The following PGM2 variants were observed in gnomAD, a reference collection of about 807,000 sequenced individuals.
The protein encoded by PGM2 is phosphoglucomutase 2, also known as phosphopentomutase.
A neutral mutation model predicts 74.6 loss-of-function variants in PGM2; 57 were observed. The ratio of observed to expected loss-of-function variants is 0.76; its 90% CI spans 0.62 to 0.95. PGM2 has a LOEUF of 0.95. Among genes scored for constraint, PGM2 ranks in the 40% least tolerant of loss-of-function variants. PGM2 has a pLI of 0.00. For missense variants in PGM2, 706 were observed against 741.9 expected (o/e 0.95, Z 0.56); for synonymous variants, 273 against 260.7 (o/e 1.05, Z -0.46).
intron 6 of PGM2, among the ~76,000 whole-genome samples, chr4:37,843,760 C>T (rs1560416224): frequency 1.3e-5 from 2 of 151,962 alleles, no homozygotes. Context: ...CAGGCATGCA[C>T]CACCATGCCC....
intron 8 of PGM2, among the ~76,000 whole-genome samples, 180 bp downstream of exon 8, chr4:37,845,910 G>T (rs534742782): frequency 6.1e-5 from 8 of 132,008 alleles, no homozygotes; most frequent in African/African-American, 2.3e-4. Context: ...GATCTAGTGT[G>T]GGGGGAGGTT....
intron 5 of PGM2, 35 bp from the exon 6 acceptor site, chr4:37,840,031 T>C: frequency 6.3e-7 from 1 of 1,582,054 alleles, no homozygotes; most frequent in Non-Finnish European, 8.7e-7. Context: ...TTCCATTAAC[T>C]GTAAACCTTC....
chr4:37,855,648 C>T lies in PGM2; in HGVS notation c.1643C>T (p.Thr548Ile), dbSNP rs748127256. The T allele has an allele frequency of 5.6e-6, 9 of 1,613,950 alleles. No homozygotes were observed. Among genetic ancestry groups the T allele is most frequent in the Admixed American group, 1.7e-5 (1 of 60,000 alleles). The change falls in exon 13 of 14, where the codon ACC (threonine) becomes ATC (isoleucine). Residue 548 changes from threonine (T) to isoleucine (I), a missense_variant. Around this residue, in one of 3 missense-constraint regions of PGM2, gnomAD observed 359 missense variants for 371.1 expected, o/e 0.97. Coordinates refer to ENST00000381967, the MANE Select transcript of PGM2 (RefSeq NM_018290.4). ...AAAAGCAGCCAAATGATCACCTTCACCTTTGCTAATGGAGGCGTGGCCACC... is the reference window on the plus strand; with the variant it reads ...AAAAGCAGCCAAATGATCACCTTCATCTTTGCTAATGGAGGCGTGGCCACC... ...TSKSSQMITF[T>I]FANGGVATMR...
At chr4:37,856,039 T>C (rs780712686) in intron 13 of PGM2, among the ~76,000 whole-genome samples, 6 of 152,206 alleles carry the variant, frequency 3.9e-5, no homozygotes, top group Non-Finnish European at 8.8e-5. Flanking sequence ...CTAACACCAA[T>C]GAGATTTTCT....
chr4:37,841,881 A>G (rs1011430863), intron 6 of PGM2, among the ~76,000 whole-genome samples: 6 of 152,236 alleles, frequency 3.9e-5, no homozygotes, highest in Admixed American at 3.9e-4. Flanking sequence ...TGTATCCGTA[A>G]GGTAACTTTC....
Position 37,832,381 on chromosome 4 carries a change from A to T in PGM2, c.250-2237A>T, listed in dbSNP as rs187782659. On this transcript the variant is annotated intron_variant, in intron 2 of 13. Coordinates refer to ENST00000381967, the MANE Select transcript of PGM2 (RefSeq NM_018290.4). ...CCTGGCAGAATGCTGATATGCAAATATATTTGTCACTTTTCACTGATCAGA... is the reference window on the plus strand; with the variant it reads ...CCTGGCAGAATGCTGATATGCAAATTTATTTGTCACTTTTCACTGATCAGA... 2.6e-5 allele frequency among the ~76,000 whole-genome samples: 4 copies of T among 152,316 alleles called. No individual in the cohort carries two copies. The East Asian group carries it at 7.7e-4, about 29-fold the overall frequency.
In PGM2 at chr4:37,844,420, G is replaced by T; in HGVS notation, c.776G>T (p.Gly259Val). 1.2e-6 allele frequency: 2 copies of T among 1,613,882 alleles called. No individual in the cohort carries two copies. Among genetic ancestry groups the T allele is most frequent in the East Asian group, 2.2e-5 (1 of 44,882 alleles). ...KFVHTSVHGV[G>V]HSFVQSAFKA... Reference sequence around the variant, plus strand: ...GTGCACACCTCTGTCCATGGGGTGGGTCATAGCTTTGTGCAGTCAGCTTTC... The same window carrying T: ...GTGCACACCTCTGTCCATGGGGTGGTTCATAGCTTTGTGCAGTCAGCTTTC... Residue 259 changes from glycine (G) to valine (V), a missense_variant, in exon 7 of 14, where the codon GGT becomes GTT. Gly to Val is a moderately radical substitution (Grantham distance 109). Around this residue, in one of 3 missense-constraint regions of PGM2, gnomAD observed 332 missense variants for 334.9 expected, o/e 0.99. Transcript: ENST00000381967.
At position 37,844,307 on chromosome 4, in the gene PGM2, A is replaced by G. The variant is rs975910015; in HGVS notation, c.720-57A>G. On this transcript the variant is annotated intron_variant, in intron 6 of 13. Coordinates refer to ENST00000381967, the MANE Select transcript of PGM2 (RefSeq NM_018290.4). Reference sequence around the variant, plus strand: ...TCTTGTGCATTCTTGCAAACCTTGCAGTTTTGAGAGCCCTGTTTCTGCCTT... The same window carrying G: ...TCTTGTGCATTCTTGCAAACCTTGCGGTTTTGAGAGCCCTGTTTCTGCCTT... The G allele has an allele frequency of 3.6e-6, 4 of 1,120,866 alleles. No homozygotes were observed. The African/African-American group carries it at 4.7e-5, about 13-fold the overall frequency. 69.4% of individuals were successfully genotyped at this position (1,120,866 alleles called of 1,614,324 possible).
chr4:37,842,724 G>A (rs1259603217), intron 6 of PGM2, among the ~76,000 whole-genome samples: 1 of 151,812 alleles, frequency 6.6e-6, no homozygotes. Context: ...GCAGTGGCAT[G>A]ATCTTGGCTC....
intron 2 of PGM2, among the ~76,000 whole-genome samples, chr4:37,833,969 A>T (rs1290124094): frequency 6.6e-6 from 1 of 152,106 alleles, no homozygotes; most frequent in African/African-American, 2.4e-5. Flanking sequence ...CTGGATACAA[A>T]TCCAGGCTCT....
intron 6 of PGM2, among the ~76,000 whole-genome samples, chr4:37,844,138 A>G (rs1034349943): frequency 6.6e-6 from 1 of 152,198 alleles, no homozygotes; most frequent in Non-Finnish European, 1.5e-5. Flanking sequence ...TGCATAAAAC[A>G]AAACCTGAAA....
intron 13 of PGM2, among the ~76,000 whole-genome samples, chr4:37,860,733 C>G (rs978788247): frequency 6.6e-6 from 1 of 152,168 alleles, no homozygotes; most frequent in African/African-American, 2.4e-5. Flanking sequence ...TAAGTACTTA[C>G]AGTACTCACA....
intron 4 of PGM2, chr4:37,839,486 A>G: frequency 2.2e-6 from 1 of 459,866 alleles, no homozygotes; most frequent in Non-Finnish European, 4.3e-6. Flanking sequence ...AGTTGGAGGG[A>G]GTAAACTGAA....
At chr4:37,843,933 G>A (rs1273068698) in intron 6 of PGM2, among the ~76,000 whole-genome samples, 1 of 152,074 alleles carries the variant, frequency 6.6e-6, no homozygotes, top group Non-Finnish European at 1.5e-5. Context: ...TGTTAAAAAG[G>A]ACATTTTGAA....
chr4:37,848,382 T>C (rs1725935675), intron 10 of PGM2, 140 bp from the exon 11 acceptor site: 1 of 659,522 alleles, frequency 1.5e-6, no homozygotes, highest in Non-Finnish European at 2.4e-6. Context: ...CTGGGCTAAA[T>C]TCCTAAACAT....
chr4:37,834,266 T>C (rs1725507114), intron 2 of PGM2, among the ~76,000 whole-genome samples: 1 of 151,850 alleles, frequency 6.6e-6, no homozygotes, highest in East Asian at 1.9e-4. Context: ...AACCCAGGAA[T>C]TCAAGGTTGC....
At chr4:37,848,466 CAT>C (rs1725938055) in intron 10 of PGM2, 54 bp from the exon 11 acceptor site, 19 of 1,476,622 alleles carry the variant, frequency 1.3e-5, no homozygotes, top group South Asian at 3.6e-5. Flanking sequence ...GATTCATACT[CAT>C]ATGTGGTTTG....
chr4:37,856,744 T>G (rs1042393452), intron 13 of PGM2, among the ~76,000 whole-genome samples: 7 of 152,152 alleles, frequency 4.6e-5, no homozygotes, highest in African/African-American at 1.7e-4. Context: ...TTGTGAAAGG[T>G]GAATTAAGTC....
In PGM2 at chr4:37,834,654, T is replaced by C; in HGVS notation, c.286T>C (p.Leu96=). ...CRYLEKQFSD[L]KQKGIVISFD... ...ATACCTGGAAAAACAATTCAGTGAC[T>C]TAAAGCAGAAAGGCATCGTGATCAG... Residue 96 remains leucine (L), a synonymous_variant, in exon 3 of 14, where the codon TTA becomes CTA. Coordinates refer to ENST00000381967, the MANE Select transcript of PGM2 (RefSeq NM_018290.4). The C allele has an allele frequency of 6.2e-7, 1 of 1,600,658 alleles. No individual in the cohort carries two copies. Among genetic ancestry groups the C allele is most frequent in the Non-Finnish European group, 8.6e-7 (1 of 1,169,484 alleles).
Sources: gnomAD v4.1 joint callset for allele counts (sites outside exome capture counted in the v4.1 genomes callset) on GRCh38, gnomAD v4.1.1 for gene constraint, gnomAD v4.1.1 regional missense constraint, MANE v1.5 for transcripts, NCBI Gene and HGNC (gene_info 2026-07-23, HGNC 2026-07-21) for gene names.